RARB: variants seen among roughly 807,000 people sequenced by gnomAD.
RARB encodes HBV-activated protein.
Under a neutral mutation model 51.9 loss-of-function variants are expected in RARB, and 17 were observed. The observed-to-expected ratio is 0.33, with a 90% CI of 0.22 to 0.49. The LOEUF (loss-of-function observed/expected upper bound fraction) is 0.49. RARB is among the 20% of genes least tolerant of loss of function. RARB has a pLI of 0.99. For missense variants in RARB, 369 were observed against 550.8 expected (o/e 0.67, Z 3.30); for synonymous variants, 215 against 195.4 (o/e 1.10, Z -0.84).
chr3:25,341,138 C>T (rs750900090), intron 5 of RARB, among the ~76,000 whole-genome samples: 3 of 152,114 alleles, frequency 2.0e-5, no homozygotes, highest in African/African-American at 4.8e-5. Context: ...CAAAGCAATA[C>T]GATGAGTTCT....
At chr3:25,496,217 G>C (rs912124613) in intron 2 of RARB, among the ~76,000 whole-genome samples, 2 of 152,236 alleles carry the variant, frequency 1.3e-5, no homozygotes, top group Admixed American at 1.3e-4. Flanking sequence ...TCTTCTGTGT[G>C]TTGGGTTCTG....
chr3:25,185,150 A>AT (rs989568720), intron 5 of RARB, among the ~76,000 whole-genome samples: 41 of 151,674 alleles, frequency 2.7e-4, no homozygotes, highest in African/African-American at 3.4e-4. Context: ...GCCAAGATAT[A>AT]TTTTTTTTTA....
chr3:25,063,347 G>C (rs1698589082), intron 3 of RARB, among the ~76,000 whole-genome samples: 1 of 151,994 alleles, frequency 6.6e-6, no homozygotes, highest in South Asian at 2.1e-4. Flanking sequence ...TTGTAACTGA[G>C]AGATATCAGA....
chr3:25,477,787 A>G (rs906667709), intron 2 of RARB, among the ~76,000 whole-genome samples: 2 of 152,216 alleles, frequency 1.3e-5, no homozygotes, highest in Non-Finnish European at 1.5e-5. Flanking sequence ...TCTTAATAGC[A>G]TAAAACTTTT....
At chr3:25,348,976 C>G (rs1705478706) in intron 5 of RARB, among the ~76,000 whole-genome samples, 1 of 152,200 alleles carries the variant, frequency 6.6e-6, no homozygotes, top group Non-Finnish European at 1.5e-5. Context: ...AGGTTGCATT[C>G]TCCCCCAGAT....
chr3:25,278,055 C>G (rs146063305), intron 5 of RARB, among the ~76,000 whole-genome samples: 1 of 152,090 alleles, frequency 6.6e-6, no homozygotes, highest in Non-Finnish European at 1.5e-5. Context: ...CATTGCTAGA[C>G]GATATAGTGC....
intron 5 of RARB, among the ~76,000 whole-genome samples, chr3:25,320,478 A>G (rs557977322): frequency 9.2e-5 from 14 of 152,274 alleles, no homozygotes; most frequent in Admixed American, 5.9e-4. Flanking sequence ...AGTTTGGCCA[A>G]TGAGAGGCCT....
chr3:25,460,688 T>A (rs1400309884), intron 1 of RARB, among the ~76,000 whole-genome samples: 1 of 152,048 alleles, frequency 6.6e-6, no homozygotes, highest in Non-Finnish European at 1.5e-5. Flanking sequence ...CCTCAGGTGA[T>A]CCCCCTGCCT....
intron 2 of RARB, among the ~76,000 whole-genome samples, chr3:25,479,610 G>T (rs943239160): frequency 6.6e-6 from 1 of 152,194 alleles, no homozygotes; most frequent in Non-Finnish European, 1.5e-5. Context: ...TGATGGAAGT[G>T]TTTTTGACAG....
intron 5 of RARB, among the ~76,000 whole-genome samples, chr3:25,318,590 G>C (rs1009943892): frequency 6.6e-6 from 1 of 152,132 alleles, no homozygotes; most frequent in African/African-American, 2.4e-5. Context: ...CATTACACTT[G>C]GAAATGTATG....
intron 3 of RARB, among the ~76,000 whole-genome samples, chr3:25,523,648 A>G (rs184617610): frequency 2.0e-5 from 3 of 152,184 alleles, no homozygotes; most frequent in South Asian, 2.1e-4. Flanking sequence ...GTGAGGGACA[A>G]TGTTTACCCC....
At chr3:25,536,678 G>C (rs1699155414) in intron 3 of RARB, among the ~76,000 whole-genome samples, 1 of 152,176 alleles carries the variant, frequency 6.6e-6, no homozygotes, top group African/African-American at 2.4e-5. Flanking sequence ...TTAAACTGCA[G>C]GGAAAAATAA....
intron 2 of RARB, among the ~76,000 whole-genome samples, chr3:24,970,177 T>C (rs548804040): frequency 9.9e-5 from 15 of 152,062 alleles, no homozygotes; most frequent in South Asian, 2.1e-4. Flanking sequence ...AAAGCAACAG[T>C]GAGCCAGATT....
chr3:25,481,447 T>C (rs886574273), intron 2 of RARB, among the ~76,000 whole-genome samples: 3 of 152,264 alleles, frequency 2.0e-5, no homozygotes, highest in Admixed American at 6.5e-5. Context: ...TGGCCAAATA[T>C]TTTTAAAGCT....
rs17015397 is a variant in RARB at position 24,885,623 on chromosome 3, A to G, written c.-380+26871A>G. Among the ~76,000 whole-genome samples the G allele has an allele frequency of 7.0e-3, 1,068 of 152,284 alleles. 12 individuals carry two copies. Among genetic ancestry groups the G allele is most frequent in the African/African-American group, 0.024 (1,008 of 41,560 alleles). On this transcript the variant is annotated intron_variant, in intron 2 of 11. Coordinates refer to the RARB transcript ENST00000383772. ...TTTTTATGAAGAATACCTGGGAAGA[A>G]ATTTCAGAATCCTAATTTTGAGTAG...
chr3:25,195,883 C>G (rs1028519756), intron 5 of RARB, among the ~76,000 whole-genome samples: 2 of 151,836 alleles, frequency 1.3e-5, no homozygotes, highest in African/African-American at 4.8e-5. Flanking sequence ...TATATGTAAT[C>G]TGTTAATTTC....
intron 2 of RARB, among the ~76,000 whole-genome samples, chr3:25,484,485 T>C (rs1275176092): frequency 6.6e-6 from 1 of 152,088 alleles, no homozygotes. Flanking sequence ...TAGCCAGGGG[T>C]TGTCAAATTA....
chr3:25,451,371 C>T (rs1709186519), intron 1 of RARB, among the ~76,000 whole-genome samples: 1 of 152,204 alleles, frequency 6.6e-6, no homozygotes, highest in Non-Finnish European at 1.5e-5. Flanking sequence ...CACCTGGCAG[C>T]AAAGCTTACC....
chr3:25,349,021 A>G (rs1705480395), intron 5 of RARB, among the ~76,000 whole-genome samples: 1 of 152,198 alleles, frequency 6.6e-6, no homozygotes, highest in South Asian at 2.1e-4. Context: ...CGTTAGGATC[A>G]ATGCCATCAA....
Sources: gnomAD v4.1 joint callset for allele counts (sites outside exome capture counted in the v4.1 genomes callset) on GRCh38, gnomAD v4.1.1 for gene constraint, MANE v1.5 for transcripts, NCBI Gene and HGNC (gene_info 2026-07-23, HGNC 2026-07-21) for gene names.